Variants in ITPR3 observed in about 807,000 individuals in gnomAD.
The protein encoded by ITPR3 is inositol 1,4,5-trisphosphate-gated calcium channel ITPR3.
Under a neutral mutation model 293.2 loss-of-function variants are expected in ITPR3, and 173 were observed. That is an observed-to-expected ratio of 0.59 (90% CI 0.52 to 0.67). The LOEUF (loss-of-function observed/expected upper bound fraction) is 0.67, where lower values mean the gene tolerates loss of function less well. ITPR3 is among the 30% of genes least tolerant of loss of function. ITPR3 has a pLI of 0.00. For synonymous variants in ITPR3, 1,295 were observed against 1,444.4 expected, an observed-to-expected ratio of 0.90 and a Z score of 2.35; for missense variants, 2,796 against 3,592.1, an observed-to-expected ratio of 0.78 and a Z score of 5.66.
In ITPR3 at chr6:33,667,185, G is replaced by A. The variant is rs749462921; in HGVS notation, c.1608G>A (p.Val536=). 7 of 1,614,046 alleles carry A rather than the reference G, an allele frequency of 4.3e-6. No individual in the cohort carries two copies. Among genetic ancestry groups the A allele is most frequent in the Admixed American group, 1.7e-5 (1 of 60,002 alleles). The stretch of plus-strand genomic sequence containing the variant: ...AGAAGGGGGGTGAAGGTCCCCTGGT[G>A]CGGCTGGAGGAGCTGTCAGACCAGA... ...FREKGGEGPL[V]RLEELSDQKN... The change falls in exon 15 of 58, where the codon GTG becomes GTA. Residue 536 remains valine, a synonymous_variant. Coordinates refer to ENST00000605930, the MANE Select transcript of ITPR3 (RefSeq NM_002224.4). This position sits in a 1 kb window ranked among gnomAD's most constrained non-coding sequence, Gnocchi z 4.4.
chr6:33,683,269 A>G lies in ITPR3; in HGVS notation c.4660A>G (p.Ser1554Gly), dbSNP rs1765127914. The G allele has an allele frequency of 6.4e-7, 1 of 1,572,480 alleles. No individual in the cohort carries two copies. Among genetic ancestry groups the G allele is most frequent in the East Asian group, 2.3e-5 (1 of 42,874 alleles). The change falls in exon 35 of 58, where the codon AGT becomes GGT. Residue 1554 changes from serine to glycine, a missense_variant. Transcript: ENST00000605930. This position sits in a 1 kb window ranked among gnomAD's most constrained non-coding sequence, Gnocchi z 4.5. Reference sequence around the variant, plus strand: ...TGCCCACATCAGCTCGATGCTCAGCAGTGGAGCCAGCTGTGCAGCTGCCGC... The same window carrying G: ...TGCCCACATCAGCTCGATGCTCAGCGGTGGAGCCAGCTGTGCAGCTGCCGC... ...LDAHISSMLS[S>G]GASCAAAAQR...
At chr6:33,622,379 C>T (rs1335162771) in intron 1 of ITPR3, among the ~76,000 whole-genome samples, 4 of 152,212 alleles carry the variant, frequency 2.6e-5, no homozygotes, top group Non-Finnish European at 1.5e-5. Context: ...AGGGTCTGGG[C>T]TGGATGAACA....
chr6:33,669,275 T>C, intron 18 of ITPR3, 119 bp downstream of exon 18: 1 of 1,030,048 alleles, frequency 9.7e-7, no homozygotes, highest in Non-Finnish European at 1.4e-6. Flanking sequence ...TCCTGCCTCC[T>C]CAGAAGCGGA....
Position 33,669,167 on chromosome 6 carries a change from C to T in ITPR3, c.2189+11C>T, listed in dbSNP as rs1484484927. 1.2e-6 allele frequency: 2 copies of T among 1,610,344 alleles called. No individual in the cohort carries two copies. The highest frequency in any genetic ancestry group is 2.7e-5 in the African/African-American group (2 of 74,900). On this transcript the variant is annotated intron_variant, in intron 18 of 57. Coordinates refer to ENST00000605930, the MANE Select transcript of ITPR3 (RefSeq NM_002224.4). ...GCTCAGCTACTACAGGTGCCCCGCC[C>T]CAGCTCCTCCCCTCCCTCTTCCTGT...
chr6:33,680,809 G>A (rs923852356), intron 33 of ITPR3, 129 bp downstream of exon 33: 114 of 865,176 alleles, frequency 1.3e-4, no homozygotes, highest in Admixed American at 5.0e-4. Context: ...ATACATAAGT[G>A]TATTGGTTAT....
In ITPR3 at chr6:33,658,783, G is replaced by T; in HGVS notation, c.483G>T (p.Trp161Cys). 6.2e-7 allele frequency: 1 copy of T among 1,614,182 alleles called. No individual in the cohort carries two copies. The highest frequency in any genetic ancestry group is 8.5e-7 in the Non-Finnish European group (1 of 1,180,028). The change falls in exon 5 of 58, where the codon TGG becomes TGT. Residue 161 changes from tryptophan (W) to cysteine (C), a missense_variant. Physicochemically the swap from Trp to Cys is radical, Grantham distance 215. Transcript: ENST00000605930. The surrounding 1 kb of genome is among the most constrained non-coding windows in gnomAD (Gnocchi z 6.1). ...ATGCCACAGGCAACGAGGGTTCCTG[G>T]CTCTTCATCCAGCCCTTCTGGAAGC... The part of the protein sequence containing the change: ...TLDATGNEGS[W>C]LFIQPFWKLR...
At chr6:33,663,047 A>C in intron 9 of ITPR3, 41 bp downstream of exon 9, 1 of 1,526,504 alleles carries the variant, frequency 6.6e-7, no homozygotes, top group Non-Finnish European at 8.9e-7. Context: ...TCGTGTGTGC[A>C]TGTACACGTG....
chr6:33,688,036 C>G, intron 46 of ITPR3, 21 bp from the exon 47 acceptor site: 1 of 1,599,238 alleles, frequency 6.3e-7, no homozygotes, highest in Non-Finnish European at 8.5e-7. Context: ...GGCCTGACCT[C>G]CGCGCCCTCC....
chr6:33,631,905 C>T (rs564542558), intron 1 of ITPR3, among the ~76,000 whole-genome samples: 3 of 152,230 alleles, frequency 2.0e-5, no homozygotes, highest in South Asian at 2.1e-4. Flanking sequence ...CTATACCCAC[C>T]GGTTATTCCT....
chr6:33,636,678 C>T (rs756951718), intron 1 of ITPR3, among the ~76,000 whole-genome samples: 1 of 151,860 alleles, frequency 6.6e-6, no homozygotes, highest in Non-Finnish European at 1.5e-5. Context: ...CTTGCACAGG[C>T]TGAGTTTGCG....
intron 2 of ITPR3, among the ~76,000 whole-genome samples, chr6:33,642,639 T>C (rs1378299213): frequency 1.3e-5 from 2 of 152,096 alleles, no homozygotes; most frequent in African/African-American, 2.4e-5. Flanking sequence ...CTTTGACTTC[T>C]TGCCCTCCTC....
At position 33,626,089 on chromosome 6, in the gene ITPR3, C is replaced by T. The variant is rs564842467; in HGVS notation, c.89+4398C>T. ...AGCTGGGACTACAGGCGTGTGCTACCGCATCTGGCTAGTTTTTGTATTTTT... is the reference window on the plus strand; with the variant it reads ...AGCTGGGACTACAGGCGTGTGCTACTGCATCTGGCTAGTTTTTGTATTTTT... On this transcript the variant is annotated intron_variant, in intron 1 of 57. Coordinates refer to ENST00000605930, the MANE Select transcript of ITPR3 (RefSeq NM_002224.4). 1.1e-4 allele frequency among the ~76,000 whole-genome samples: 17 copies of T among 152,298 alleles called. No individual in the cohort carries two copies. In the East Asian group the frequency reaches 3.3e-3, roughly 29 times the overall value.
rs562017875 is a variant in ITPR3 at position 33,691,507 on chromosome 6, C to T, written c.7226-108C>T. On this transcript the variant is annotated intron_variant, in intron 52 of 57. Transcript: ENST00000605930. The surrounding 1 kb of genome is among the most constrained non-coding windows in gnomAD (Gnocchi z 4.9). ...CTGTGGCTGGACAGTGGAGGGCTGGCGATCCAGGACCAGGGAAGGTTTCCT... is the reference window on the plus strand; with the variant it reads ...CTGTGGCTGGACAGTGGAGGGCTGGTGATCCAGGACCAGGGAAGGTTTCCT... 8.5e-5 allele frequency: 76 copies of T among 895,248 alleles called. 1 individual carries two copies. The East Asian group carries it at 1.5e-3, about 18-fold the overall frequency. The allele number at this position is 895,248 out of a possible 1,614,324, so 55.5% of individuals were successfully genotyped here. A position where few individuals can be genotyped will look rare whatever the true frequency, so the allele number is the denominator to read the frequency against.
chr6:33,663,146 T>C (rs2127270078), intron 9 of ITPR3, 140 bp downstream of exon 9: 2 of 689,082 alleles, frequency 2.9e-6, no homozygotes, highest in African/African-American at 3.6e-5. Flanking sequence ...ATTTATCCAA[T>C]ATTATCAAAT....
chr6:33,640,422 GA>G, intron 1 of ITPR3, 61 bp from the exon 2 acceptor site: 1 of 1,507,574 alleles, frequency 6.6e-7, no homozygotes, highest in South Asian at 1.2e-5. Flanking sequence ...TGCTCTAAGG[GA>G]AGGGATACTG....
intron 1 of ITPR3, among the ~76,000 whole-genome samples, chr6:33,634,510 C>T (rs1196383552): frequency 1.3e-5 from 2 of 152,180 alleles, no homozygotes; most frequent in Non-Finnish European, 2.9e-5. Flanking sequence ...TTCCACAGAC[C>T]GTTGTCGTCT....
In ITPR3 at chr6:33,690,071, G is replaced by A; in HGVS notation, c.6905G>A (p.Gly2302Asp). ...NKIVFVVSFV[G>D]NRGTFIRGYK... Reference sequence around the variant, plus strand: ...ATCGTGTTTGTGGTGAGCTTCGTGGGCAACCGTGGCACCTTCATCCGGGGC... The same window carrying A: ...ATCGTGTTTGTGGTGAGCTTCGTGGACAACCGTGGCACCTTCATCCGGGGC... Residue 2302 changes from glycine to aspartate, a missense_variant, in exon 51 of 58, where the codon GGC becomes GAC. Physicochemically the swap from Gly to Asp is moderately conservative, Grantham distance 94. Transcript: ENST00000605930. 6.2e-7 allele frequency: 1 copy of A among 1,614,208 alleles called. No individual in the cohort carries two copies. The highest frequency in any genetic ancestry group is 8.5e-7 in the Non-Finnish European group (1 of 1,180,040).
At chr6:33,646,896 G>A (rs1032912816) in intron 2 of ITPR3, among the ~76,000 whole-genome samples, 14 of 151,864 alleles carry the variant, frequency 9.2e-5, no homozygotes, top group African/African-American at 3.4e-4. Flanking sequence ...CAACCTGGGC[G>A]ACATAGTGAG....
chr6:33,625,409 A>T (rs985531629), intron 1 of ITPR3, among the ~76,000 whole-genome samples: 2 of 152,030 alleles, frequency 1.3e-5, no homozygotes, highest in Non-Finnish European at 2.9e-5. Flanking sequence ...TTGTATTTTT[A>T]GTAGAGACTG....
Sources: gnomAD v4.1 joint callset for allele counts (sites outside exome capture counted in the v4.1 genomes callset) on GRCh38, gnomAD v4.1.1 for gene constraint, Gnocchi (gnomAD v3.1) non-coding constraint, MANE v1.5 for transcripts, NCBI Gene and HGNC (gene_info 2026-07-23, HGNC 2026-07-21) for gene names.